Variants in EML6 observed in about 807,000 individuals in gnomAD.
The protein encoded by EML6 is EMAP like 6, also known as echinoderm microtubule-associated protein-like 6.
In EML6, 154 loss-of-function variants were observed where a neutral mutation model predicts 240.1. The ratio of observed to expected loss-of-function variants is 0.64; its 90% CI spans 0.56 to 0.73. EML6 has a LOEUF of 0.73. Ranked by LOEUF, EML6 falls within the 30% of genes least tolerant of loss-of-function variation. The pLI is 0.00. For missense variants in EML6, 2,964 were observed against 2,474.6 expected (o/e 1.20, Z -4.20); for synonymous variants, 1,148 against 899.0 (o/e 1.28, Z -4.95).
chr2:54,955,992 A>T (rs1676214613), intron 32 of EML6, among the ~76,000 whole-genome samples: 1 of 151,024 alleles, frequency 6.6e-6, no homozygotes, highest in African/African-American at 2.4e-5. Flanking sequence ...TTCATTCTTC[A>T]TTTATTAGAG....
At chr2:54,800,739 A>C (rs986235295) in intron 2 of EML6, among the ~76,000 whole-genome samples, 1 of 152,146 alleles carries the variant, frequency 6.6e-6, no homozygotes, top group Non-Finnish European at 1.5e-5. Flanking sequence ...GTGGTTCCCA[A>C]GCAGCTTTTT....
At chr2:54,855,623 A>T (rs1476694907) in intron 11 of EML6, among the ~76,000 whole-genome samples, 3 of 152,154 alleles carry the variant, frequency 2.0e-5, no homozygotes, top group East Asian at 3.8e-4. Flanking sequence ...CATCTGCATG[A>T]ATGAGGAGAG....
chr2:54,753,662 GTTTT>G (rs59382484), intron 2 of EML6, among the ~76,000 whole-genome samples: 1 of 133,800 alleles, frequency 7.5e-6, no homozygotes. Context: ...GCAGTCCTGA[GTTTT>G]TTTTTTTTTT....
rs185371756 is a variant in EML6, at chr2:54,891,259, A to G, written c.2539+105A>G. The G allele has an allele frequency of 5.7e-4, 315 of 557,478 alleles. 3 individuals carry two copies. In the East Asian group the frequency reaches 7.5e-3, roughly 13 times the overall value. The allele number at this position is 557,478 out of a possible 1,614,324, so 34.5% of individuals were successfully genotyped here. ...ACTACCTCGCTTGTCTCTGCAATCT[A>G]AAATAAAAATGTGCCTAAAAAAATT... On this transcript the variant is annotated intron_variant, in intron 18 of 41. Transcript: ENST00000356458.
At chr2:54,841,326 G>A (rs867085007) in intron 7 of EML6, among the ~76,000 whole-genome samples, 7 of 152,184 alleles carry the variant, frequency 4.6e-5, no homozygotes, top group Non-Finnish European at 8.8e-5. Context: ...ATAATACATC[G>A]GCCTGTGTGC....
At chr2:54,800,601 G>T (rs1263721509) in intron 2 of EML6, among the ~76,000 whole-genome samples, 27 of 152,102 alleles carry the variant, frequency 1.8e-4, no homozygotes. Context: ...CCTCCAGCAT[G>T]GTGAATGCAC....
intron 2 of EML6, among the ~76,000 whole-genome samples, chr2:54,758,632 C>T (rs895169584): frequency 2.0e-5 from 3 of 152,102 alleles, no homozygotes; most frequent in African/African-American, 7.2e-5. Context: ...ATTTGTTTGT[C>T]TCTCTCTTCC....
chr2:54,828,791 T>G (rs1668720848), intron 6 of EML6, among the ~76,000 whole-genome samples: 1 of 152,232 alleles, frequency 6.6e-6, no homozygotes, highest in South Asian at 2.1e-4. Flanking sequence ...CATCTTGAAA[T>G]TCCTAAAACT....
At chr2:54,777,573 C>T (rs1312171872) in intron 2 of EML6, among the ~76,000 whole-genome samples, 4 of 152,166 alleles carry the variant, frequency 2.6e-5, no homozygotes, top group Non-Finnish European at 5.9e-5. Context: ...TAATTACTAT[C>T]TTGGTGTGTC....
chr2:54,900,527 GA>G (rs1361295830), intron 22 of EML6, among the ~76,000 whole-genome samples: 3 of 152,204 alleles, frequency 2.0e-5, no homozygotes, highest in Non-Finnish European at 4.4e-5. Context: ...AGGAGGAGAG[GA>G]CAATTGCTGC....
chr2:54,798,049 C>T (rs1026447849), intron 2 of EML6, among the ~76,000 whole-genome samples: 34 of 152,006 alleles, frequency 2.2e-4, no homozygotes, highest in Non-Finnish European at 4.6e-4. Context: ...GTTGGAATTT[C>T]GATTAGGATT....
chr2:54,825,755 C>A (rs1012937424), intron 5 of EML6, among the ~76,000 whole-genome samples: 6 of 152,182 alleles, frequency 3.9e-5, no homozygotes, highest in Admixed American at 6.5e-5. Context: ...GACAGCCCCC[C>A]ACCCCCAGCT....
At chr2:54,904,484 G>T (rs748945529) in intron 24 of EML6, among the ~76,000 whole-genome samples, 1 of 152,176 alleles carries the variant, frequency 6.6e-6, no homozygotes, top group Non-Finnish European at 1.5e-5. Context: ...TCTGTAGAAG[G>T]GAGTGACCTT....
intron 28 of EML6, among the ~76,000 whole-genome samples, chr2:54,945,794 G>A (rs988138960): frequency 7.9e-5 from 12 of 152,242 alleles, no homozygotes; most frequent in African/African-American, 2.7e-4. Flanking sequence ...GCAAGAGCCC[G>A]TGTCAGGATA....
intron 2 of EML6, among the ~76,000 whole-genome samples, chr2:54,793,506 G>A (rs530164092): frequency 6.6e-6 from 1 of 150,816 alleles, no homozygotes; most frequent in Admixed American, 6.6e-5. Flanking sequence ...ATTCAAGGAA[G>A]GCAAATGGTT....
intron 7 of EML6, 111 bp from the exon 8 acceptor site, chr2:54,843,936 C>T: frequency 1.3e-6 from 1 of 790,912 alleles, no homozygotes; most frequent in Admixed American, 2.1e-5. Context: ...TGATGGTATC[C>T]TGGTTAAAGG....
chr2:54,813,544 A>T (rs1667953975), intron 3 of EML6, among the ~76,000 whole-genome samples, 153 bp downstream of exon 3: 1 of 152,058 alleles, frequency 6.6e-6, no homozygotes, highest in South Asian at 2.1e-4. Flanking sequence ...TTCCCCTTTA[A>T]AGCTATGGCA....
At chr2:54,959,483 G>A (rs1676395584) in intron 34 of EML6, among the ~76,000 whole-genome samples, 1 of 152,090 alleles carries the variant, frequency 6.6e-6, no homozygotes, top group Non-Finnish European at 1.5e-5. Flanking sequence ...AAACCTGAGA[G>A]AGGCATGGTG....
chr2:54,783,817 C>T (rs967903988), intron 2 of EML6, among the ~76,000 whole-genome samples: 1 of 152,150 alleles, frequency 6.6e-6, no homozygotes, highest in Non-Finnish European at 1.5e-5. Flanking sequence ...CATTGATATA[C>T]TTGTAATGAG....
Sources: allele counts gnomAD v4.1 joint callset (sites outside exome capture counted in the v4.1 genomes callset), GRCh38; gene constraint gnomAD v4.1.1; transcripts MANE v1.5; gene names NCBI Gene and HGNC (gene_info 2026-07-23, HGNC 2026-07-21).